CNTN5: variants seen among roughly 807,000 people sequenced by gnomAD.
CNTN5 encodes contactin 5.
CNTN5 carries 77 observed loss-of-function variants against 129.1 expected under a neutral mutation model. The ratio of observed to expected loss-of-function variants is 0.60; its 90% CI spans 0.50 to 0.72. The LOEUF is 0.72. Among genes scored for constraint, CNTN5 ranks in the 30% least tolerant of loss-of-function variants. The pLI, the probability that CNTN5 is intolerant of heterozygous loss-of-function variation, is 0.00. For synonymous variants in CNTN5, 509 were observed against 465.6 expected, an observed-to-expected ratio of 1.09 and a Z score of -1.20; for missense variants, 1,478 against 1,328.8, an observed-to-expected ratio of 1.11 and a Z score of -1.75.
chr11:99,375,167 G>A (rs1940089386), intron 2 of CNTN5, among the ~76,000 whole-genome samples: 1 of 151,950 alleles, frequency 6.6e-6, no homozygotes. Context: ...GCTGGGTGTG[G>A]TAGTACGTGC....
At chr11:100,166,079 C>T (rs1416802206) in intron 13 of CNTN5, among the ~76,000 whole-genome samples, 1 of 151,650 alleles carries the variant, frequency 6.6e-6, no homozygotes, top group Admixed American at 6.6e-5. Flanking sequence ...GTCTCTGTTA[C>T]CAGAAGCAAA....
intron 13 of CNTN5, among the ~76,000 whole-genome samples, chr11:100,086,270 G>T (rs1427533273): frequency 6.7e-6 from 1 of 149,868 alleles, no homozygotes; most frequent in East Asian, 1.9e-4. Context: ...AAAGAGAAAA[G>T]AATTAAAGTT....
chr11:100,023,360 G>A (rs1565797068), intron 9 of CNTN5, among the ~76,000 whole-genome samples: 1 of 152,014 alleles, frequency 6.6e-6, no homozygotes, highest in Non-Finnish European at 1.5e-5. Flanking sequence ...TTATTGTTTA[G>A]AGCAGTTTTA....
At chr11:99,342,733 AAAAGAAAG>A (rs370813586) in intron 2 of CNTN5, among the ~76,000 whole-genome samples, 1 of 151,720 alleles carries the variant, frequency 6.6e-6, no homozygotes, top group Non-Finnish European at 1.5e-5. Context: ...CTTATCTGAA[AAAAGAAAG>A]AAAGAAAGAA....
At chr11:100,082,137 G>T (rs758492372) in intron 13 of CNTN5, among the ~76,000 whole-genome samples, 10 of 152,128 alleles carry the variant, frequency 6.6e-5, no homozygotes, top group Non-Finnish European at 1.3e-4. Flanking sequence ...ATGGGTGTGT[G>T]TACAAATAAG....
At chr11:100,051,701 A>C (rs962539040) in intron 9 of CNTN5, among the ~76,000 whole-genome samples, 1 of 151,906 alleles carries the variant, frequency 6.6e-6, no homozygotes, top group Non-Finnish European at 1.5e-5. Context: ...ATATTAATAA[A>C]ACTGATACAC....
At chr11:99,835,421 C>CT (rs1251309454) in intron 4 of CNTN5, among the ~76,000 whole-genome samples, 5 of 152,130 alleles carry the variant, frequency 3.3e-5, no homozygotes, top group Non-Finnish European at 7.4e-5. Flanking sequence ...AGGTGCCCAA[C>CT]TTCTGACCTT....
At chr11:99,924,868 T>C (rs1306652463) in intron 7 of CNTN5, among the ~76,000 whole-genome samples, 1 of 152,176 alleles carries the variant, frequency 6.6e-6, no homozygotes, top group Non-Finnish European at 1.5e-5. Flanking sequence ...ATGAATCTGT[T>C]CATTCAAACA....
At chr11:99,800,068 GT>G in intron 3 of CNTN5, among the ~76,000 whole-genome samples, 1 of 151,520 alleles carries the variant, frequency 6.6e-6, no homozygotes, top group African/African-American at 2.4e-5. Context: ...CATTGTTTCT[GT>G]TTTTTTCTAA....
At chr11:99,696,117 TAA>T (rs962508621) in intron 3 of CNTN5, among the ~76,000 whole-genome samples, 22 of 152,200 alleles carry the variant, frequency 1.4e-4, no homozygotes, top group African/African-American at 5.3e-4. Context: ...TAAGGGTCTA[TAA>T]AAGAGGGCTG....
intron 2 of CNTN5, among the ~76,000 whole-genome samples, chr11:99,337,163 A>T (rs937581063): frequency 6.6e-6 from 1 of 152,194 alleles, no homozygotes; most frequent in Admixed American, 6.5e-5. Context: ...GATAAGCATA[A>T]TCTTAGAAGA....
intron 2 of CNTN5, among the ~76,000 whole-genome samples, chr11:99,408,166 CT>C (rs1469066509): frequency 6.6e-6 from 1 of 151,844 alleles, no homozygotes; most frequent in Non-Finnish European, 1.5e-5. Flanking sequence ...TGCAGCCCTC[CT>C]TTTAATTTCA....
chr11:99,817,816 T>C (rs1946643108), intron 3 of CNTN5, among the ~76,000 whole-genome samples: 1 of 151,400 alleles, frequency 6.6e-6, no homozygotes, highest in Admixed American at 6.6e-5. Flanking sequence ...ACCCATAATC[T>C]GTTCACATAT....
intron 3 of CNTN5, among the ~76,000 whole-genome samples, chr11:99,762,856 T>A (rs1407311922): frequency 6.6e-6 from 1 of 152,182 alleles, no homozygotes; most frequent in Non-Finnish European, 1.5e-5. Flanking sequence ...TTTTAAAGAT[T>A]AATTTTCCAC....
chr11:100,312,384 G>A (rs1446219425), intron 21 of CNTN5, among the ~76,000 whole-genome samples: 1 of 151,910 alleles, frequency 6.6e-6, no homozygotes, highest in Non-Finnish European at 1.5e-5. Context: ...TCCCTCGAAA[G>A]AGAGTTCTGC....
intron 2 of CNTN5, among the ~76,000 whole-genome samples, chr11:99,429,874 G>A (rs1283887969): frequency 1.3e-5 from 2 of 151,862 alleles, no homozygotes; most frequent in African/African-American, 4.8e-5. Flanking sequence ...TTTACTGTAA[G>A]CAGCTGCCAT....
intron 3 of CNTN5, among the ~76,000 whole-genome samples, chr11:99,579,123 C>G (rs1256278044): frequency 6.6e-6 from 1 of 152,050 alleles, no homozygotes; most frequent in Non-Finnish European, 1.5e-5. Context: ...TCAGGTTTGT[C>G]AAAGATCAGA....
At chr11:99,095,132 A>T (rs1397058195) in intron 1 of CNTN5, among the ~76,000 whole-genome samples, 2 of 151,870 alleles carry the variant, frequency 1.3e-5, no homozygotes, top group Non-Finnish European at 2.9e-5. Context: ...GCATATTATT[A>T]AACTAAATAT....
chr11:99,455,585 G>A (rs1027143666), intron 2 of CNTN5, among the ~76,000 whole-genome samples: 8 of 152,028 alleles, frequency 5.3e-5, no homozygotes, highest in Non-Finnish European at 1.2e-4. Flanking sequence ...ATAGTGTCAC[G>A]GAGTAAAAAC....
Sources: allele counts gnomAD v4.1 joint callset (sites outside exome capture counted in the v4.1 genomes callset), GRCh38; gene constraint gnomAD v4.1.1; transcripts MANE v1.5; gene names NCBI Gene and HGNC (gene_info 2026-07-23, HGNC 2026-07-21).